BBX: variants seen among roughly 807,000 people sequenced by gnomAD.
The protein encoded by BBX is HMG box transcription factor BBX.
In BBX, 30 loss-of-function variants were observed where a neutral mutation model predicts 100.2. That is an observed-to-expected ratio of 0.30 (90% CI 0.22 to 0.41). BBX has a LOEUF of 0.41. Ranked by LOEUF, BBX falls within the 10% of genes least tolerant of loss-of-function variation. The probability of loss-of-function intolerance (pLI) is 1.00; values close to 1 mark genes in which losing one functional copy is unlikely to be tolerated. For missense variants in BBX, 1,023 were observed against 1,129.8 expected (o/e 0.91, Z 1.35); for synonymous variants, 376 against 388.1 (o/e 0.97, Z 0.37).
At chr3:107,580,205 T>TAATACAA (rs1173178075) in intron 2 of BBX, among the ~76,000 whole-genome samples, 68 of 152,092 alleles carry the variant, frequency 4.5e-4, no homozygotes, top group Non-Finnish European at 7.9e-4. Context: ...AACATTAATG[T>TAATACAA]AATACAAAAT....
intron 2 of BBX, among the ~76,000 whole-genome samples, chr3:107,603,261 G>C (rs1237831905): frequency 6.6e-6 from 1 of 152,152 alleles, no homozygotes; most frequent in Non-Finnish European, 1.5e-5. Flanking sequence ...ACTGTGCCCA[G>C]CCTGATTCCA....
intron 3 of BBX, among the ~76,000 whole-genome samples, chr3:107,704,783 C>T (rs940209805): frequency 3.3e-5 from 5 of 152,026 alleles, no homozygotes; most frequent in Admixed American, 1.3e-4. Context: ...TCAATCAAAG[C>T]AGGGTGCAGG....
intron 13 of BBX, among the ~76,000 whole-genome samples, chr3:107,783,740 A>G (rs1163989680): frequency 6.6e-6 from 1 of 152,038 alleles, no homozygotes; most frequent in Non-Finnish European, 1.5e-5. Context: ...TTGCAAATAG[A>G]TTTTAGATAC....
chr3:107,701,411 C>T (rs1047054609), intron 3 of BBX, among the ~76,000 whole-genome samples: 10 of 152,098 alleles, frequency 6.6e-5, no homozygotes, highest in African/African-American at 1.9e-4. Context: ...TAGGATCTTT[C>T]GCCTAGAGTT....
At position 107,605,245 on chromosome 3, in the gene BBX, C is replaced by G. The variant is rs1248644513; in HGVS notation, c.-83-40591C>G. ...CTACTGTCAAGCCTAGAACCCCAAT[C>G]TAACTCTGCTGGTCCCCACTTCATT... On this transcript the variant is annotated intron_variant, in intron 2 of 17. Transcript: ENST00000325805. 2.6e-5 allele frequency among the ~76,000 whole-genome samples: 4 copies of G among 152,206 alleles called. No individual in the cohort carries two copies. The East Asian group carries it at 7.7e-4, about 29-fold the overall frequency.
intron 15 of BBX, among the ~76,000 whole-genome samples, chr3:107,791,557 G>A (rs1335013041): frequency 6.6e-6 from 1 of 152,288 alleles, no homozygotes; most frequent in East Asian, 1.9e-4. Context: ...TCAGAGATTG[G>A]AGTTTTTCAT....
At chr3:107,780,270 G>A (rs758282687) in intron 13 of BBX, among the ~76,000 whole-genome samples, 1 of 152,094 alleles carries the variant, frequency 6.6e-6, no homozygotes, top group Non-Finnish European at 1.5e-5. Flanking sequence ...TGATAGATGT[G>A]CAGGACATTA....
At chr3:107,714,517 AAT>A (rs1442275091) in intron 4 of BBX, among the ~76,000 whole-genome samples, 1 of 152,210 alleles carries the variant, frequency 6.6e-6, no homozygotes, top group Non-Finnish European at 1.5e-5. Flanking sequence ...GGGGAAATAT[AAT>A]TGCTTCTTCA....
chr3:107,572,478 A>C (rs1331906801), intron 2 of BBX, among the ~76,000 whole-genome samples: 1 of 152,204 alleles, frequency 6.6e-6, no homozygotes, highest in African/African-American at 2.4e-5. Flanking sequence ...ATTGCATATT[A>C]GTCTTTATAT....
intron 9 of BBX, among the ~76,000 whole-genome samples, chr3:107,751,897 A>C (rs1439434987): frequency 6.6e-6 from 1 of 152,184 alleles, no homozygotes; most frequent in Non-Finnish European, 1.5e-5. Context: ...TGAATTTCCT[A>C]TCTGTGTCTT....
chr3:107,798,844 A>T (rs535202705), intron 16 of BBX, 124 bp downstream of exon 16: 3 of 1,087,780 alleles, frequency 2.8e-6, no homozygotes, highest in South Asian at 3.2e-5. Context: ...CTAAAAAAAA[A>T]AAAAAACAAA....
chr3:107,581,986 A>G (rs2052311176), intron 2 of BBX, among the ~76,000 whole-genome samples: 1 of 152,104 alleles, frequency 6.6e-6, no homozygotes, highest in African/African-American at 2.4e-5. Context: ...TAATGTGTAT[A>G]TATATGAGCC....
At chr3:107,748,563 C>T (rs9859098) in intron 9 of BBX, among the ~76,000 whole-genome samples, 150,250 of 152,252 alleles carry the variant, frequency 0.99, 74,161 homozygotes, top group East Asian at 1. Context: ...CTCAGACTTC[C>T]TTGGTTTGTC....
Position 107,538,552 on chromosome 3 carries a change from T to G in BBX, c.-84+12154T>G, listed in dbSNP as rs77938087. 3.4e-3 allele frequency among the ~76,000 whole-genome samples: 520 copies of G among 152,242 alleles called. 1 individual carries two copies. The highest frequency in any genetic ancestry group is 0.012 in the African/African-American group (485 of 41,566). On this transcript the variant is annotated intron_variant, in intron 2 of 17. Transcript: ENST00000325805. ...TTAAATAGATATTTTTCCGAAAAGT[T>G]TTGACTTAGTTTTTCAAATAGAACT...
chr3:107,793,685 C>T (rs547559908), intron 15 of BBX, among the ~76,000 whole-genome samples: 1 of 151,908 alleles, frequency 6.6e-6, no homozygotes, highest in Non-Finnish European at 1.5e-5. Context: ...AAATTAAAAT[C>T]CTGCTCAAAT....
intron 2 of BBX, among the ~76,000 whole-genome samples, chr3:107,568,422 G>A (rs914060014): frequency 4.6e-5 from 7 of 151,906 alleles, no homozygotes; most frequent in South Asian, 2.1e-4. Flanking sequence ...CCGCCACCAC[G>A]CTTGGCTAAT....
At position 107,535,820 on chromosome 3, in the gene BBX, A is replaced by G. The variant is rs116651774; in HGVS notation, c.-84+9422A>G. ...TGCCATGTTGGCCAGGCAGGTCTTC[A>G]ACTCCTGGCCTCAAGTGATCCACCT... On this transcript the variant is annotated intron_variant, in intron 2 of 17. Transcript: ENST00000325805. Among the ~76,000 whole-genome samples the G allele has an allele frequency of 8.9e-3, 1,352 of 152,312 alleles. 7 individuals carry two copies. The highest frequency in any genetic ancestry group is 0.014 in the Non-Finnish European group (933 of 68,026).
At chr3:107,524,928 C>T (rs1240914497) in intron 1 of BBX, among the ~76,000 whole-genome samples, 1 of 151,726 alleles carries the variant, frequency 6.6e-6, no homozygotes, top group Admixed American at 6.6e-5. Flanking sequence ...AATGACACGT[C>T]CAGTTCTCTT....
chr3:107,786,027 A>G (rs930189967), intron 13 of BBX, among the ~76,000 whole-genome samples: 4 of 152,136 alleles, frequency 2.6e-5, no homozygotes, highest in Admixed American at 2.0e-4. Context: ...ATTTTGATAC[A>G]CTTAAACAAT....
Sources: allele counts gnomAD v4.1 joint callset (sites outside exome capture counted in the v4.1 genomes callset), GRCh38; gene constraint gnomAD v4.1.1; transcripts MANE v1.5; gene names NCBI Gene and HGNC (gene_info 2026-07-23, HGNC 2026-07-21).